Variants in CYB5R4 observed in about 807,000 individuals in gnomAD.
The protein encoded by CYB5R4 is N-terminal cytochrome b5 and cytochrome b5 oxidoreductase domain-containing protein.
A neutral mutation model predicts 70.2 loss-of-function variants in CYB5R4; 55 were observed. The ratio of observed to expected loss-of-function variants is 0.78; its 90% CI spans 0.63 to 0.98. The LOEUF (loss-of-function observed/expected upper bound fraction) is 0.98. CYB5R4 is among the 50% of genes least tolerant of loss of function. The probability of loss-of-function intolerance (pLI) is 0.00; values close to 1 mark genes in which losing one functional copy is unlikely to be tolerated. For synonymous variants in CYB5R4, 197 were observed against 199.5 expected, an observed-to-expected ratio of 0.99 and a Z score of 0.11; for missense variants, 562 against 612.6, an observed-to-expected ratio of 0.92 and a Z score of 0.87.
At chr6:83,899,981 A>C (rs2099462614) in intron 3 of CYB5R4, among the ~76,000 whole-genome samples, 2 of 151,692 alleles carry the variant, frequency 1.3e-5, no homozygotes, top group South Asian at 2.1e-4. Context: ...TTCTGCTCTG[A>C]TCTTAGTTAT....
chr6:83,927,308 A>G (rs1322916720), intron 10 of CYB5R4, among the ~76,000 whole-genome samples: 2 of 152,196 alleles, frequency 1.3e-5, no homozygotes, highest in African/African-American at 4.8e-5. Flanking sequence ...CCAACAACCA[A>G]TTCTACAGCA....
chr6:83,882,385 G>A (rs2099459588), intron 2 of CYB5R4, among the ~76,000 whole-genome samples: 1 of 152,162 alleles, frequency 6.6e-6, no homozygotes, highest in Non-Finnish European at 1.5e-5. Flanking sequence ...CAGACTCTAT[G>A]CTACCTGAAG....
At chr6:83,924,712 C>A in intron 10 of CYB5R4, 120 bp downstream of exon 10, 2 of 1,053,616 alleles carry the variant, frequency 1.9e-6, no homozygotes, top group Middle Eastern at 2.2e-4. Flanking sequence ...GTATCTACTG[C>A]TAGGAAGTTT....
At chr6:83,943,517 T>C (rs1221748765) in intron 14 of CYB5R4, among the ~76,000 whole-genome samples, 1 of 151,850 alleles carries the variant, frequency 6.6e-6, no homozygotes, top group Non-Finnish European at 1.5e-5. Context: ...GAAAAACCTA[T>C]GCAAAAAGGC....
intron 1 of CYB5R4, among the ~76,000 whole-genome samples, chr6:83,863,172 C>G (rs529462555): frequency 5.3e-4 from 81 of 152,190 alleles, no homozygotes; most frequent in South Asian, 4.6e-3. Flanking sequence ...AATAAAAACC[C>G]AAACCATCCT....
At chr6:83,924,069 C>CAAAA (rs34702511) in intron 9 of CYB5R4, among the ~76,000 whole-genome samples, 9 of 52,792 alleles carry the variant, frequency 1.7e-4, no homozygotes, top group African/African-American at 2.4e-4. Context: ...GACTCCGTCT[C>CAAAA]AAAAAAAAAA....
At chr6:83,868,701 A>C (rs1562825941) in intron 2 of CYB5R4, among the ~76,000 whole-genome samples, 1 of 152,202 alleles carries the variant, frequency 6.6e-6, no homozygotes, top group Non-Finnish European at 1.5e-5. Context: ...TCAAGAACTA[A>C]AGATTTACAG....
At chr6:83,944,334 T>A (rs1245546004) in intron 14 of CYB5R4, among the ~76,000 whole-genome samples, 1 of 152,182 alleles carries the variant, frequency 6.6e-6, no homozygotes, top group African/African-American at 2.4e-5. Flanking sequence ...CCAGCCAAAT[T>A]AAGCTTCATA....
intron 12 of CYB5R4, among the ~76,000 whole-genome samples, chr6:83,939,316 A>C (rs1299457159): frequency 6.6e-6 from 1 of 152,096 alleles, no homozygotes; most frequent in Non-Finnish European, 1.5e-5. Flanking sequence ...TCTAGTCCTA[A>C]AGGTAATTTT....
At chr6:83,877,655 A>C (rs766418427) in intron 2 of CYB5R4, among the ~76,000 whole-genome samples, 4 of 150,158 alleles carry the variant, frequency 2.7e-5, no homozygotes, top group Admixed American at 6.6e-5. Context: ...TAATGTTTTC[A>C]AGAGAGATCT....
chr6:83,897,481 C>A (rs896529736), intron 3 of CYB5R4, among the ~76,000 whole-genome samples: 1 of 152,278 alleles, frequency 6.6e-6, no homozygotes, highest in African/African-American at 2.4e-5. Context: ...ACACTGACTT[C>A]CACAATGGTT....
Position 83,859,765 on chromosome 6 carries a change from C to A in CYB5R4, c.-18C>A. On this transcript the variant is annotated 5_prime_UTR_variant, in exon 1 of 16. Coordinates refer to ENST00000369681, the MANE Select transcript of CYB5R4 (RefSeq NM_016230.4). ...CTGGCGGCGATCCCCGGGCAGGGCC[C>A]GGGGCCGGGGTTTGAAGATGCTGAA... 1 of 1,611,544 alleles carries A rather than the reference C, an allele frequency of 6.2e-7. No homozygotes were observed. Among genetic ancestry groups the A allele is most frequent in the South Asian group, 1.1e-5 (1 of 90,812 alleles).
intron 3 of CYB5R4, among the ~76,000 whole-genome samples, chr6:83,896,599 A>T (rs941958116): frequency 2.6e-5 from 4 of 152,114 alleles, no homozygotes; most frequent in African/African-American, 9.7e-5. Context: ...ACATAATTTC[A>T]TTCTTTTTTA....
At chr6:83,947,439 A>G (rs10943963) in intron 14 of CYB5R4, among the ~76,000 whole-genome samples, 3,036 of 152,290 alleles carry the variant, frequency 0.02, 101 homozygotes, top group African/African-American at 0.069. Flanking sequence ...ATCTAAAACC[A>G]TAAAAACCCT....
At chr6:83,922,099 G>A (rs1475021466) in intron 8 of CYB5R4, among the ~76,000 whole-genome samples, 1 of 152,102 alleles carries the variant, frequency 6.6e-6, no homozygotes, top group Non-Finnish European at 1.5e-5. Context: ...GGGCTTGCGT[G>A]CTTCAGGTGC....
chr6:83,958,098 A>AT (rs2099472706), intron 15 of CYB5R4, among the ~76,000 whole-genome samples: 2 of 152,184 alleles, frequency 1.3e-5, no homozygotes, highest in Admixed American at 6.5e-5. Flanking sequence ...TATTCTCCAT[A>AT]TTTGGTGAAC....
intron 3 of CYB5R4, among the ~76,000 whole-genome samples, chr6:83,903,260 G>A (rs993428382): frequency 6.6e-6 from 1 of 151,814 alleles, no homozygotes; most frequent in Non-Finnish European, 1.5e-5. Flanking sequence ...ATACTTTTTT[G>A]TGTGACTGAG....
At chr6:83,874,132 TCCCCTCCCTTC>T (rs1331398729) in intron 2 of CYB5R4, among the ~76,000 whole-genome samples, 7 of 8,950 alleles carry the variant, frequency 7.8e-4, no homozygotes, top group Admixed American at 4.8e-3. Flanking sequence ...TCCTCTCCCC[TCCCCTCCCTTC>T]CCCTCCCCTC....
At chr6:83,924,013 T>C (rs1186040131) in intron 9 of CYB5R4, among the ~76,000 whole-genome samples, 3 of 132,068 alleles carry the variant, frequency 2.3e-5, no homozygotes, top group Non-Finnish European at 4.5e-5. Context: ...GAGCTTGCAG[T>C]GAGCCAAGAT....
Sources: gnomAD v4.1 joint callset for allele counts (sites outside exome capture counted in the v4.1 genomes callset) on GRCh38, gnomAD v4.1.1 for gene constraint, MANE v1.5 for transcripts, NCBI Gene and HGNC (gene_info 2026-07-23, HGNC 2026-07-21) for gene names.